Variants in SV2C observed in about 807,000 individuals in gnomAD.
The protein encoded by SV2C is solute carrier family 22 member B3.
Under a neutral mutation model 79.7 loss-of-function variants are expected in SV2C, and 49 were observed. The ratio of observed to expected loss-of-function variants is 0.61; its 90% confidence interval spans 0.49 to 0.78. The LOEUF (loss-of-function observed/expected upper bound fraction) is 0.78, where lower values mean the gene tolerates loss of function less well. SV2C is among the 30% of genes least tolerant of loss of function. The pLI is 0.00. For missense variants in SV2C, 833 were observed against 912.9 expected (o/e 0.91, Z 1.13); for synonymous variants, 334 against 333.2 (o/e 1.00, Z -0.03).
At chr5:76,003,110 C>A in the SV2C span, among the ~76,000 whole-genome samples, 1 of 152,124 alleles carries the variant, frequency 6.6e-6, no homozygotes, top group Non-Finnish European at 1.5e-5. Context: ...CGGCACTTCT[C>A]CTTACTGCCA....
intron 4 of SV2C, among the ~76,000 whole-genome samples, chr5:76,244,115 G>A (rs1476981119): frequency 6.6e-6 from 1 of 152,078 alleles, no homozygotes; most frequent in Non-Finnish European, 1.5e-5. Flanking sequence ...ATTCAATATG[G>A]CATCTTCAGT....
chr5:76,224,079 C>T (rs569127172), intron 4 of SV2C, among the ~76,000 whole-genome samples: 8 of 152,268 alleles, frequency 5.3e-5, no homozygotes, highest in Admixed American at 2.0e-4. Context: ...CACAATGAAT[C>T]TGAGAGACAT....
intron 1 of SV2C, among the ~76,000 whole-genome samples, chr5:76,127,509 G>A (rs1279212270): frequency 2.0e-5 from 3 of 152,108 alleles, no homozygotes; most frequent in South Asian, 4.1e-4. Context: ...AGTTTCAATC[G>A]GCTATGTATC....
chr5:76,174,092 T>A, intron 2 of SV2C: 1 of 1,584,744 alleles, frequency 6.3e-7, no homozygotes, highest in South Asian at 1.1e-5. Flanking sequence ...AGGATCGTAT[T>A]TTTCTACAAA....
At chr5:76,103,644 G>A (rs1461015486) in intron 1 of SV2C, among the ~76,000 whole-genome samples, 2 of 152,260 alleles carry the variant, frequency 1.3e-5, no homozygotes, top group East Asian at 3.9e-4. Context: ...TTGATTAATA[G>A]ACTAATAATA....
intron 4 of SV2C, among the ~76,000 whole-genome samples, chr5:76,231,317 A>T (rs1017482994): frequency 1.3e-5 from 2 of 152,236 alleles, no homozygotes; most frequent in Non-Finnish European, 2.9e-5. Flanking sequence ...AACATATGTT[A>T]CAATATCACA....
chr5:76,275,831 T>C (rs1747008232), intron 4 of SV2C, among the ~76,000 whole-genome samples: 1 of 152,266 alleles, frequency 6.6e-6, no homozygotes, highest in South Asian at 2.1e-4. Context: ...ATGGAACTTA[T>C]ATTATCTGTA....
the SV2C span, among the ~76,000 whole-genome samples, chr5:76,053,597 A>T: frequency 6.6e-6 from 1 of 152,192 alleles, no homozygotes; most frequent in Non-Finnish European, 1.5e-5. Flanking sequence ...GAAAAAAAAG[A>T]TTCTATCAGT....
chr5:76,223,322 G>A (rs1745126989), intron 4 of SV2C, among the ~76,000 whole-genome samples: 1 of 150,940 alleles, frequency 6.6e-6, no homozygotes, highest in Non-Finnish European at 1.5e-5. Context: ...TAGCTATTTG[G>A]GAAGCTGAAG....
chr5:76,095,013 C>G (rs1580261335), intron 1 of SV2C, among the ~76,000 whole-genome samples: 1 of 151,754 alleles, frequency 6.6e-6, no homozygotes, highest in East Asian at 1.9e-4. Flanking sequence ...ATCTAAAAAT[C>G]TCACCAAAAA....
chr5:76,299,053 T>A (rs1381691861), intron 10 of SV2C, 126 bp downstream of exon 10: 2 of 1,155,204 alleles, frequency 1.7e-6, no homozygotes, highest in African/African-American at 1.5e-5. Context: ...TGGAACAAGT[T>A]CTCTAAATCA....
chr5:76,027,038 A>G, the SV2C span, among the ~76,000 whole-genome samples: 1 of 151,922 alleles, frequency 6.6e-6, no homozygotes, highest in African/African-American at 2.4e-5. Context: ...TTTTTTGAAA[A>G]AAAGTATTAT....
the SV2C span, among the ~76,000 whole-genome samples, chr5:76,039,246 T>C: frequency 1.3e-5 from 2 of 152,234 alleles, no homozygotes; most frequent in African/African-American, 4.8e-5. Context: ...GGTTCAGTTC[T>C]TGACATTTTG....
chr5:75,916,578 G>A, the SV2C span, among the ~76,000 whole-genome samples: 3 of 152,000 alleles, frequency 2.0e-5, no homozygotes, highest in Non-Finnish European at 4.4e-5. Context: ...AGGTTCAAGT[G>A]ATTGTCCCTG....
chr5:76,279,419 G>A (rs1006018762), intron 4 of SV2C, among the ~76,000 whole-genome samples: 1 of 152,204 alleles, frequency 6.6e-6, no homozygotes, highest in African/African-American at 2.4e-5. Context: ...ACCTTTGGGG[G>A]CCAGTCAGAG....
At chr5:75,967,868 G>A in the SV2C span, among the ~76,000 whole-genome samples, 16 of 152,240 alleles carry the variant, frequency 1.1e-4, no homozygotes, top group African/African-American at 3.6e-4. Context: ...TGGGCAGACT[G>A]CCTCCTCAAG....
chr5:76,005,049 C>T, the SV2C span, among the ~76,000 whole-genome samples: 1 of 152,068 alleles, frequency 6.6e-6, no homozygotes, highest in East Asian at 1.9e-4. Context: ...TAGGTTTGTC[C>T]AGTGTTTTCT....
the SV2C span, among the ~76,000 whole-genome samples, chr5:75,892,336 T>C: frequency 6.6e-6 from 1 of 152,086 alleles, no homozygotes. Context: ...CAAGTCAGTG[T>C]ATCTAGGGTG....
At chr5:76,248,196 T>C (rs1225232551) in intron 4 of SV2C, among the ~76,000 whole-genome samples, 1 of 152,242 alleles carries the variant, frequency 6.6e-6, no homozygotes, top group African/African-American at 2.4e-5. Flanking sequence ...TAGGCAGCTA[T>C]GTTAGTTTGC....
Sources: allele counts gnomAD v4.1 joint callset (sites outside exome capture counted in the v4.1 genomes callset), GRCh38; gene constraint gnomAD v4.1.1; transcripts MANE v1.5; gene names NCBI Gene and HGNC (gene_info 2026-07-23, HGNC 2026-07-21).